ZCCHC10: variants seen among roughly 807,000 people sequenced by gnomAD.
ZCCHC10 encodes zinc finger CCHC-type containing 10.
In ZCCHC10, 16 loss-of-function variants were observed where a neutral mutation model predicts 19.5. The ratio of observed to expected loss-of-function variants is 0.82; its 90% CI spans 0.56 to 1.25. The LOEUF (loss-of-function observed/expected upper bound fraction) is 1.25, where lower values mean the gene tolerates loss of function less well. Ranked by LOEUF, ZCCHC10 falls within the 50% of genes most tolerant of loss-of-function variation. The pLI is 0.00. For missense variants in ZCCHC10, 197 were observed against 201.0 expected (o/e 0.98, Z 0.12); for synonymous variants, 67 against 72.5 (o/e 0.92, Z 0.38).
At position 132,998,356 on chromosome 5, in the gene ZCCHC10, G is replaced by A. The variant is rs1762549323; in HGVS notation, c.*227C>T. 1 of 433,862 alleles carries A rather than the reference G, an allele frequency of 2.3e-6. No individual in the cohort carries two copies. Among genetic ancestry groups the A allele is most frequent in the Non-Finnish European group, 4.1e-6 (1 of 241,018 alleles). 26.9% of individuals were successfully genotyped at this position (433,862 alleles called of 1,614,324 possible). On this transcript the variant is annotated 3_prime_UTR_variant, in exon 5 of 5. Coordinates refer to ENST00000509437, the MANE Select transcript of ZCCHC10 (RefSeq NM_001300816.3). Reference sequence around the variant, plus strand: ...GCAGATTTCAGCTTTAAGTTCTAGAGATATATTTTAAAGATAAAAAAAACA... The same window carrying A: ...GCAGATTTCAGCTTTAAGTTCTAGAAATATATTTTAAAGATAAAAAAAACA...
In ZCCHC10 at chr5:133,015,177, C is replaced by G. The variant is rs180887285; in HGVS notation, c.107+7664G>C. On this transcript the variant is annotated intron_variant, in intron 2 of 4. Coordinates refer to ENST00000509437, the MANE Select transcript of ZCCHC10 (RefSeq NM_001300816.3). ...CACTGCAGCCTCTGCCTCCTGGGCTCAAGAGATTCTCCTGCCTCAGCCTAC... is the reference window on the plus strand; with the variant it reads ...CACTGCAGCCTCTGCCTCCTGGGCTGAAGAGATTCTCCTGCCTCAGCCTAC... 2.1e-4 allele frequency among the ~76,000 whole-genome samples: 31 copies of G among 150,436 alleles called. No homozygotes were observed. The East Asian group carries it at 5.7e-3, about 28-fold the overall frequency.
intron 2 of ZCCHC10, among the ~76,000 whole-genome samples, chr5:133,008,534 T>A (rs1763285463): frequency 1.3e-5 from 1 of 74,928 alleles, no homozygotes; most frequent in South Asian, 3.1e-4. Flanking sequence ...TGAGACTCCA[T>A]CTCAAAAAAA....
intron 2 of ZCCHC10, among the ~76,000 whole-genome samples, chr5:133,019,602 T>C (rs1241167663): frequency 6.6e-6 from 1 of 152,124 alleles, no homozygotes; most frequent in Non-Finnish European, 1.5e-5. Flanking sequence ...CTGGTAAGAA[T>C]GTAAAGTGGC....
At chr5:133,008,872 G>A (rs942588004) in intron 2 of ZCCHC10, among the ~76,000 whole-genome samples, 6 of 152,132 alleles carry the variant, frequency 3.9e-5, no homozygotes, top group Admixed American at 6.6e-5. Flanking sequence ...AATTAGCCGC[G>A]TGTGGTGGCA....
At chr5:133,025,336 C>CT (rs1764603232) in intron 1 of ZCCHC10, among the ~76,000 whole-genome samples, 1 of 151,636 alleles carries the variant, frequency 6.6e-6, no homozygotes, top group Non-Finnish European at 1.5e-5. Flanking sequence ...AACCCCATCT[C>CT]TACTAAAAAT....
chr5:133,003,372 T>C, intron 3 of ZCCHC10: 1 of 334,952 alleles, frequency 3.0e-6, no homozygotes. Context: ...CTAAATGAAA[T>C]GTTTTACTAT....
rs952632829 is a variant in ZCCHC10, at chr5:133,018,409, CT to C, written c.107+4431del. ...GCAATCCTCCCTCCTTGGCCTCTCT[CT>C]TTTTTTTGAGACGGAGTCTTCCTCT... On this transcript the variant is annotated intron_variant, in intron 2 of 4. Coordinates refer to ENST00000509437, the MANE Select transcript of ZCCHC10 (RefSeq NM_001300816.3). Among the ~76,000 whole-genome samples the C allele has an allele frequency of 2.0e-5, 3 of 151,022 alleles. No individual in the cohort carries two copies. The East Asian group carries it at 5.9e-4, about 30-fold the overall frequency.
At chr5:133,006,677 C>T in intron 3 of ZCCHC10, 82 bp downstream of exon 3, 1 of 1,319,240 alleles carries the variant, frequency 7.6e-7, no homozygotes, top group Non-Finnish European at 1.0e-6. Flanking sequence ...ATCTGGAGAA[C>T]CACCATGAAA....
chr5:133,013,675 T>C lies in ZCCHC10; in HGVS notation c.108-6755A>G, dbSNP rs149218388. Among the ~76,000 whole-genome samples, 607 of 152,166 alleles carry C rather than the reference T, an allele frequency of 4.0e-3. 10 individuals carry two copies. Among genetic ancestry groups the C allele is most frequent in the East Asian group, 0.02 (101 of 5,178 alleles). ...TGGCGGATGCTGTGGCCAGCCAAGATTGCGCCACTGCATTCCAGCCTGGGC... is the reference window on the plus strand; with the variant it reads ...TGGCGGATGCTGTGGCCAGCCAAGACTGCGCCACTGCATTCCAGCCTGGGC... On this transcript the variant is annotated intron_variant, in intron 2 of 4. Transcript: ENST00000509437.
At chr5:133,004,273 C>T (rs1174768377) in intron 3 of ZCCHC10, among the ~76,000 whole-genome samples, 3 of 151,548 alleles carry the variant, frequency 2.0e-5, no homozygotes, top group Admixed American at 6.6e-5. Flanking sequence ...CTCCCGGGTT[C>T]AAGTGATTCT....
intron 2 of ZCCHC10, among the ~76,000 whole-genome samples, chr5:133,008,851 A>C (rs1763307342): frequency 1.3e-5 from 2 of 152,236 alleles, no homozygotes; most frequent in African/African-American, 2.4e-5. Context: ...GTCTCTAAAA[A>C]AAACTACAAA....
chr5:133,000,750 C>A (rs1762717399), intron 3 of ZCCHC10, among the ~76,000 whole-genome samples: 1 of 149,730 alleles, frequency 6.7e-6, no homozygotes, highest in Admixed American at 6.8e-5. Context: ...TCAAGGAATT[C>A]TTCTGCCTCA....
chr5:133,019,381 T>C (rs1764143895), intron 2 of ZCCHC10, among the ~76,000 whole-genome samples: 1 of 152,250 alleles, frequency 6.6e-6, no homozygotes, highest in South Asian at 2.1e-4. Flanking sequence ...CATTTCTTTC[T>C]ACCCAAATGA....
At position 133,010,059 on chromosome 5, in the gene ZCCHC10, T is replaced by TTTTTTC. The variant is rs1208728265; in HGVS notation, c.108-3140_108-3139insGAAAAA. On this transcript the variant is annotated intron_variant, in intron 2 of 4. Transcript: ENST00000509437. ...AAATTTGGGTCAGCAATTTTTTTTT[T>TTTTTTC]TTTTTTGGAGATGAAGTCTTGCTCT... Among the ~76,000 whole-genome samples the TTTTTTC allele has an allele frequency of 4.5e-4, 68 of 151,250 alleles. 1 individual carries two copies. Among genetic ancestry groups the TTTTTTC allele is most frequent in the African/African-American group, 1.6e-3 (67 of 41,046 alleles).
At chr5:133,025,211 T>A (rs113761539) in intron 1 of ZCCHC10, among the ~76,000 whole-genome samples, 3,172 of 151,990 alleles carry the variant, frequency 0.021, 108 homozygotes, top group African/African-American at 0.07. Context: ...AAAAGCTTTA[T>A]AAGAAAGGGG....
intron 2 of ZCCHC10, chr5:133,019,126 A>G (rs1288422060): frequency 1.1e-5 from 5 of 448,462 alleles, no homozygotes; most frequent in Admixed American, 7.3e-5. Context: ...GCTCACGCCT[A>G]TAATCCTGGC....
intron 1 of ZCCHC10, among the ~76,000 whole-genome samples, 162 bp downstream of exon 1, chr5:133,026,335 G>A (rs1403250184): frequency 1.3e-5 from 2 of 152,196 alleles, no homozygotes; most frequent in African/African-American, 4.8e-5. Context: ...CTAACCCCCG[G>A]TCACCAGACT....
intron 2 of ZCCHC10, among the ~76,000 whole-genome samples, chr5:133,014,019 A>C (rs1763750364): frequency 6.6e-6 from 1 of 152,110 alleles, no homozygotes; most frequent in African/African-American, 2.4e-5. Flanking sequence ...ATTTTTCCTG[A>C]ATCATTTGTA....
intron 2 of ZCCHC10, chr5:133,019,220 G>C (rs1456116693): frequency 9.6e-6 from 3 of 312,380 alleles, no homozygotes; most frequent in Non-Finnish European, 1.9e-5. Flanking sequence ...AAAAAAAACA[G>C]AGAGAGAAAA....
Sources: allele counts gnomAD v4.1 joint callset (sites outside exome capture counted in the v4.1 genomes callset), GRCh38; gene constraint gnomAD v4.1.1; transcripts MANE v1.5; gene names NCBI Gene and HGNC (gene_info 2026-07-23, HGNC 2026-07-21).